TRPV4: variants seen among roughly 807,000 people sequenced by gnomAD.
TRPV4 encodes OSM9-like transient receptor potential channel 4.
Under a neutral mutation model 84.1 loss-of-function variants are expected in TRPV4, and 58 were observed. The ratio of observed to expected loss-of-function variants is 0.69; its 90% CI spans 0.56 to 0.86. TRPV4 has a LOEUF of 0.86. Among genes scored for constraint, TRPV4 ranks in the 40% least tolerant of loss-of-function variants. The probability of loss-of-function intolerance (pLI) is 0.00; values close to 1 mark genes in which losing one functional copy is unlikely to be tolerated. For missense variants in TRPV4, 879 were observed against 1,181.1 expected, an observed-to-expected ratio of 0.74 and a Z score of 3.75; for synonymous variants, 489 against 500.9, an observed-to-expected ratio of 0.98 and a Z score of 0.32.
chr12:109,822,134 G>A (rs542865512), intron 1 of TRPV4, among the ~76,000 whole-genome samples: 1 of 151,064 alleles, frequency 6.6e-6, no homozygotes, highest in Non-Finnish European at 1.5e-5. Flanking sequence ...AAAGTGCAGG[G>A]TGCACAGAGG....
chr12:109,806,873 G>GAAA (rs533116934), intron 3 of TRPV4, among the ~76,000 whole-genome samples: 1 of 93,726 alleles, frequency 1.1e-5, no homozygotes, highest in Admixed American at 1.0e-4. Flanking sequence ...AAAAAAAAAA[G>GAAA]AAAAAAAAAA....
rs778804536 is a variant in TRPV4 at position 109,794,458 on chromosome 12, G to A, written c.1362C>T (p.Pro454=). ...ENRHEMLAVE[P]INELLRDKWR... is the part of the protein sequence containing the mutation. Reference sequence around the variant, plus strand: ...ACTTGTCCCGCAGCAGTTCATTGATGGGCTCCACAGCCAGCATCTCGTGGC... The same window carrying A: ...ACTTGTCCCGCAGCAGTTCATTGATAGGCTCCACAGCCAGCATCTCGTGGC... The change falls in exon 8 of 16, where the codon CCC becomes CCT. Residue 454 remains proline, a synonymous_variant. Transcript: ENST00000261740. 1.2e-6 allele frequency: 2 copies of A among 1,614,036 alleles called. No individual in the cohort carries two copies. The highest frequency in any genetic ancestry group is 2.2e-5 in the East Asian group (1 of 44,868).
At chr12:109,789,543 A>C (rs1445636143) in intron 12 of TRPV4, among the ~76,000 whole-genome samples, 1 of 152,088 alleles carries the variant, frequency 6.6e-6, no homozygotes, top group African/African-American at 2.4e-5. Flanking sequence ...CCTGCTCTAG[A>C]CATCTCAAAC....
At chr12:109,821,538 A>G (rs1274624696) in intron 1 of TRPV4, among the ~76,000 whole-genome samples, 1 of 149,740 alleles carries the variant, frequency 6.7e-6, no homozygotes, top group African/African-American at 2.5e-5. Flanking sequence ...CTATATATGT[A>G]TTTTTTTTTT....
chr12:109,826,854 T>C (rs767261508), intron 1 of TRPV4, among the ~76,000 whole-genome samples: 9 of 152,204 alleles, frequency 5.9e-5, no homozygotes, highest in Non-Finnish European at 1.2e-4. Flanking sequence ...GGATTACTTG[T>C]CATTGTGGGT....
At chr12:109,816,941 C>T (rs1891878076) in intron 1 of TRPV4, among the ~76,000 whole-genome samples, 2 of 152,220 alleles carry the variant, frequency 1.3e-5, no homozygotes, top group South Asian at 4.1e-4. Flanking sequence ...GGTCATTAGC[C>T]GTTTGACCAT....
rs952847740 is a variant in TRPV4 at position 109,786,322 on chromosome 12, A to C, written c.2336+388T>G. On this transcript the variant is annotated intron_variant, in intron 14 of 15. Transcript: ENST00000261740. This position sits in a 1 kb window ranked among gnomAD's most constrained non-coding sequence, Gnocchi z 4.5. The stretch of plus-strand genomic sequence containing the variant: ...CACCGAGGGCACTAGAGCTCACCCC[A>C]CTGTTTGGTAGATACAGGGTGATGC... Among the ~76,000 whole-genome samples the C allele has an allele frequency of 2.2e-4, 34 of 152,228 alleles. No individual in the cohort carries two copies. The highest frequency in any genetic ancestry group is 3.4e-3 in the Middle Eastern group (1 of 294).
intron 3 of TRPV4, among the ~76,000 whole-genome samples, chr12:109,807,749 G>A (rs973537244): frequency 4.6e-5 from 7 of 152,138 alleles, no homozygotes; most frequent in African/African-American, 1.7e-4. Flanking sequence ...TCTCTGGGCT[G>A]GGGCTTCAGC....
intron 1 of TRPV4, among the ~76,000 whole-genome samples, chr12:109,824,999 G>A (rs1208338680): frequency 6.6e-6 from 1 of 151,944 alleles, no homozygotes; most frequent in Non-Finnish European, 1.5e-5. Flanking sequence ...GTGGGGTTAA[G>A]CCGTATTTGC....
Position 109,783,738 on chromosome 12 carries a change from G to A in TRPV4, c.2499C>T (p.Asn833=), listed in dbSNP as rs147045782. ...SSVVPRVVEL[N]KNSNPDEVVV... Reference sequence around the variant, plus strand: ...CCACCTCGTCCGGGTTCGAGTTCTTGTTCAGTTCCACCACGCGGGGTACCA... The same window carrying A: ...CCACCTCGTCCGGGTTCGAGTTCTTATTCAGTTCCACCACGCGGGGTACCA... Residue 833 remains asparagine (N), a synonymous_variant, in exon 16 of 16, where the codon AAC becomes AAT. Transcript: ENST00000261740. The surrounding 1 kb of genome is among the most constrained non-coding windows in gnomAD (Gnocchi z 4.6). The A allele has an allele frequency of 1.9e-6, 3 of 1,613,642 alleles. No individual in the cohort carries two copies. The East Asian group carries it at 6.7e-5, about 36-fold the overall frequency.
intron 13 of TRPV4, among the ~76,000 whole-genome samples, chr12:109,788,164 C>T (rs886549940): frequency 2.0e-5 from 3 of 152,330 alleles, no homozygotes; most frequent in Admixed American, 2.0e-4. Context: ...AGCTGGACCA[C>T]AAGGAGAATC....
Position 109,783,399 on chromosome 12 carries a change from T to G in TRPV4, c.*222A>C. On this transcript the variant is annotated 3_prime_UTR_variant, in exon 16 of 16. Transcript: ENST00000261740. This position sits in a 1 kb window ranked among gnomAD's most constrained non-coding sequence, Gnocchi z 4.6. ...AGGTGGAGGGGCTCTGGCGTTGGCTTATGTGACTCCATAGGAGCAAGACAG... is the reference window on the plus strand; with the variant it reads ...AGGTGGAGGGGCTCTGGCGTTGGCTGATGTGACTCCATAGGAGCAAGACAG... The G allele has an allele frequency of 1.8e-6, 1 of 553,964 alleles. No individual in the cohort carries two copies. The highest frequency in any genetic ancestry group is 2.7e-5 in the South Asian group (1 of 36,744). The allele number at this position is 553,964 out of a possible 1,614,324, so 34.3% of individuals were successfully genotyped here.
At position 109,796,415 on chromosome 12, in the gene TRPV4, T is replaced by C. The variant is rs1004715413; in HGVS notation, c.1332+110A>G. On this transcript the variant is annotated intron_variant, in intron 7 of 15. Coordinates refer to ENST00000261740, the MANE Select transcript of TRPV4 (RefSeq NM_021625.5). The surrounding 1 kb of genome is among the most constrained non-coding windows in gnomAD (Gnocchi z 4.2). ...GCATTCAGCCAACAGACCCACCACG[T>C]TGGGTCCTAGAGGCTGGGGCTGTCT... The C allele has an allele frequency of 6.3e-6, 8 of 1,279,444 alleles. No homozygotes were observed. The highest frequency in any genetic ancestry group is 8.9e-6 in the Non-Finnish European group (8 of 900,580). The allele number at this position is 1,279,444 out of a possible 1,614,324, so 79.3% of individuals were successfully genotyped here.
In TRPV4 at chr12:109,796,580, G is replaced by A. The variant is rs757522459; in HGVS notation, c.1277C>T (p.Thr426Met). The A allele has an allele frequency of 1.2e-5, 20 of 1,614,008 alleles. No homozygotes were observed. The highest frequency in any genetic ancestry group is 9.9e-5 in the South Asian group (9 of 91,090). Residue 426 changes from threonine (T) to methionine (M), a missense_variant, in exon 7 of 16, where the codon ACG becomes ATG. Transcript: ENST00000261740. This position sits in a 1 kb window ranked among gnomAD's most constrained non-coding sequence, Gnocchi z 4.2. The stretch of plus-strand genomic sequence containing the variant: ...CAGCACGGAGGCCTCTTCCCCACAC[G>A]TGTCCAGGGAGGAGAGGTCATAAAG... The part of the protein sequence containing the change: ...SSLYDLSSLD[T>M]CGEEASVLEI...
Position 109,814,728 on chromosome 12 carries a change from ACT to A in TRPV4, c.67_68del (p.Ser23TrpfsTer18). 1 of 1,596,500 alleles carries A rather than the reference ACT, an allele frequency of 6.3e-7. No individual in the cohort carries two copies. The highest frequency in any genetic ancestry group is 8.5e-7 in the Non-Finnish European group (1 of 1,172,582). ...GAAAAGCCTCCCCACCTGGGGTGCC[ACT>A]CTCATCCCCGGGGAGCTCAGCCACC... ...GEVAELPGDE[S>X]GTPGGEAFPL... On this transcript the variant is annotated frameshift_variant, in exon 2 of 16. Transcript: ENST00000261740. LOFTEE classifies it high-confidence loss of function. The surrounding 1 kb of genome is among the most constrained non-coding windows in gnomAD (Gnocchi z 5.4).
rs185387948 is a variant in TRPV4 at position 109,787,211 on chromosome 12, A to G, written c.2209-374T>C. ...GGAATCCGGACCCTGCACTGCCTGG[A>G]GCTTCCAACTTTTCAAGAAAAGCCA... On this transcript the variant is annotated intron_variant, in intron 13 of 15. Transcript: ENST00000261740. Among the ~76,000 whole-genome samples, 1,198 of 152,302 alleles carry G rather than the reference A, an allele frequency of 7.9e-3. 3 individuals are homozygous for G. The highest frequency in any genetic ancestry group is 0.011 in the Admixed American group (166 of 15,296).
At position 109,815,567 on chromosome 12, in the gene TRPV4, C is replaced by T. The variant is rs2136668539; in HGVS notation, c.-31-740G>A. On this transcript the variant is annotated intron_variant, in intron 1 of 15. Coordinates refer to ENST00000261740, the MANE Select transcript of TRPV4 (RefSeq NM_021625.5). The surrounding 1 kb of genome is among the most constrained non-coding windows in gnomAD (Gnocchi z 4.1). ...GATCCCTCCCTGCACCTTTGCTGGTCAACTCCTCCCCACTGGTGTTCCAGC... is the reference window on the plus strand; with the variant it reads ...GATCCCTCCCTGCACCTTTGCTGGTTAACTCCTCCCCACTGGTGTTCCAGC... 6.6e-6 allele frequency among the ~76,000 whole-genome samples: 1 copy of T among 152,336 alleles called. No homozygotes were observed. The highest frequency in any genetic ancestry group is 2.1e-4 in the South Asian group (1 of 4,824).
chr12:109,806,358 C>CTTTTTTTTTTT (rs60159775), intron 3 of TRPV4, among the ~76,000 whole-genome samples: 4 of 115,558 alleles, frequency 3.5e-5, no homozygotes, highest in African/African-American at 1.4e-4. Context: ...CTAAGCCTGG[C>CTTTTTTTTTTT]TTTTTTTTTT....
At chr12:109,818,302 G>A (rs1891948303) in intron 1 of TRPV4, among the ~76,000 whole-genome samples, 1 of 152,064 alleles carries the variant, frequency 6.6e-6, no homozygotes, top group Non-Finnish European at 1.5e-5. Context: ...ATGCCGGATG[G>A]TAGTAAACAT....
Sources: allele counts gnomAD v4.1 joint callset (sites outside exome capture counted in the v4.1 genomes callset), GRCh38; gene constraint gnomAD v4.1.1; non-coding constraint Gnocchi (gnomAD v3.1); transcripts MANE v1.5; gene names NCBI Gene and HGNC (gene_info 2026-07-23, HGNC 2026-07-21).